Variants in IRAK1BP1 observed in about 807,000 individuals in gnomAD.
The protein encoded by IRAK1BP1 is interleukin 1 receptor associated kinase 1 binding protein 1.
In IRAK1BP1, 24 loss-of-function variants were observed where a neutral mutation model predicts 28.0. That is an observed-to-expected ratio of 0.86 (90% CI 0.62 to 1.20). The LOEUF (loss-of-function observed/expected upper bound fraction) is 1.20, where lower values mean the gene tolerates loss of function less well. Among genes scored for constraint, IRAK1BP1 ranks in the 50% most tolerant of loss-of-function variants. IRAK1BP1 has a pLI of 0.00. For synonymous variants in IRAK1BP1, 131 were observed against 116.3 expected (o/e 1.13, Z -0.81); for missense variants, 336 against 316.7 (o/e 1.06, Z -0.46).
At chr6:78,942,605 T>C (rs1053799769) in intron 4 of IRAK1BP1, among the ~76,000 whole-genome samples, 1 of 152,202 alleles carries the variant, frequency 6.6e-6, no homozygotes, top group Non-Finnish European at 1.5e-5. Flanking sequence ...TGACTCTCTT[T>C]AGATTAGTGG....
chr6:78,929,900 G>A (rs1384241429), intron 4 of IRAK1BP1, among the ~76,000 whole-genome samples: 1 of 149,482 alleles, frequency 6.7e-6, no homozygotes. Context: ...TAAAACACAT[G>A]TTCAAATAAA....
chr6:78,940,565 T>TTTTTC (rs1562108968), intron 4 of IRAK1BP1: 1 of 189,430 alleles, frequency 5.3e-6, no homozygotes, highest in Non-Finnish European at 1.0e-5. Context: ...TTTTTTTTTT[T>TTTTTC]TTTTTTGCAA....
chr6:78,935,921 A>G (rs1346610304), intron 4 of IRAK1BP1: 1 of 173,146 alleles, frequency 5.8e-6, no homozygotes, highest in African/African-American at 2.4e-5. Flanking sequence ...TAGTTACTAC[A>G]TTGCAGGGAC....
the IRAK1BP1 span, among the ~76,000 whole-genome samples, chr6:78,967,226 T>A: frequency 6.6e-6 from 1 of 152,018 alleles, no homozygotes; most frequent in Non-Finnish European, 1.5e-5. Flanking sequence ...GGAGAAAAGT[T>A]AATAGAACAC....
chr6:78,875,538 T>A (rs1403498505), intron 1 of IRAK1BP1, among the ~76,000 whole-genome samples: 1 of 152,198 alleles, frequency 6.6e-6, no homozygotes, highest in Non-Finnish European at 1.5e-5. Flanking sequence ...CACAATGAAA[T>A]ACTGTGTAGC....
At chr6:78,896,443 T>C (rs1771885204) in intron 2 of IRAK1BP1, among the ~76,000 whole-genome samples, 1 of 152,086 alleles carries the variant, frequency 6.6e-6, no homozygotes, top group Admixed American at 6.5e-5. Context: ...TACATTATGC[T>C]AAATGAAAGA....
In IRAK1BP1 at chr6:78,929,864, CATA is replaced by C. The variant is rs142471144; in HGVS notation, c.*68-15540_*68-15538del. Among the ~76,000 whole-genome samples, 896 of 152,218 alleles carry C rather than the reference CATA, an allele frequency of 5.9e-3. 4 individuals are homozygous for C. The highest frequency in any genetic ancestry group is 0.02 in the African/African-American group (826 of 41,516). On this transcript the variant is annotated intron_variant and NMD_transcript_variant, in intron 4 of 4. Transcript: ENST00000606868. ...AACATATAAGCTAATATTACTTTTACATAATATTTGGAGTAGCTAAAAACATAA... is the reference window on the plus strand; with the variant it reads ...AACATATAAGCTAATATTACTTTTACATATTTGGAGTAGCTAAAAACATAA...
rs1027432052 is a variant in IRAK1BP1, at chr6:78,898,957, C to T, written c.*623C>T. On this transcript the variant is annotated 3_prime_UTR_variant, in exon 4 of 4. Transcript: ENST00000369940. Reference sequence around the variant, plus strand: ...GGATGCTAACAGAAGACTTGAGATTCCCAGACAGAAACAAAGGACTATTAC... The same window carrying T: ...GGATGCTAACAGAAGACTTGAGATTTCCAGACAGAAACAAAGGACTATTAC... 2 of 152,130 alleles carry T rather than the reference C, an allele frequency of 1.3e-5. No homozygotes were observed. The highest frequency in any genetic ancestry group is 4.8e-5 in the African/African-American group (2 of 41,424). The allele number at this position is 152,130 out of a possible 1,614,324, so 9.4% of individuals were successfully genotyped here.
chr6:78,916,178 T>A (rs1772554473), intron 4 of IRAK1BP1, among the ~76,000 whole-genome samples: 1 of 152,224 alleles, frequency 6.6e-6, no homozygotes, highest in Non-Finnish European at 1.5e-5. Flanking sequence ...GTTATAAAGT[T>A]ATTTTCTTGG....
At chr6:78,878,059 C>T (rs866743087) in intron 1 of IRAK1BP1, among the ~76,000 whole-genome samples, 19 of 152,116 alleles carry the variant, frequency 1.2e-4, no homozygotes, top group Admixed American at 1.0e-3. Flanking sequence ...TAGACTCCAC[C>T]TCTGGGGCAG....
chr6:78,959,948 G>A, the IRAK1BP1 span, among the ~76,000 whole-genome samples: 1 of 152,064 alleles, frequency 6.6e-6, no homozygotes, highest in African/African-American at 2.4e-5. Flanking sequence ...ACTGACATTA[G>A]CCTATGGTTG....
chr6:78,961,790 C>A, the IRAK1BP1 span: 16 of 1,610,078 alleles, frequency 9.9e-6, no homozygotes, highest in Non-Finnish European at 1.4e-5. Flanking sequence ...TCCACGGGGG[C>A]CACAAATGCT....
chr6:78,951,253 C>G (rs1424063514), downstream of IRAK1BP1, among the ~76,000 whole-genome samples: 1 of 152,066 alleles, frequency 6.6e-6, no homozygotes, highest in East Asian at 1.9e-4. Context: ...ATGTAGAATA[C>G]TTAATTTTTC....
At chr6:78,912,363 T>C (rs543520251) in intron 4 of IRAK1BP1, among the ~76,000 whole-genome samples, 4 of 152,248 alleles carry the variant, frequency 2.6e-5, no homozygotes, top group South Asian at 2.1e-4. Flanking sequence ...ATCAAAAAAA[T>C]TGCTTGAGTT....
intron 2 of IRAK1BP1, among the ~76,000 whole-genome samples, chr6:78,893,097 G>A (rs9359355): frequency 0.89 from 134,763 of 150,832 alleles, 60,227 homozygotes; most frequent in Admixed American, 0.9. Flanking sequence ...AAAAAAAAAT[G>A]CACCAGTACA....
the IRAK1BP1 span, chr6:78,958,551 G>T: frequency 6.3e-7 from 1 of 1,577,612 alleles, no homozygotes; most frequent in Non-Finnish European, 8.7e-7. Flanking sequence ...TTAAATGTTC[G>T]TGTATTATGC....
At chr6:78,870,018 A>C (rs1770736425) in intron 1 of IRAK1BP1, among the ~76,000 whole-genome samples, 1 of 145,206 alleles carries the variant, frequency 6.9e-6, no homozygotes, top group Non-Finnish European at 1.5e-5. Context: ...CTGAGGCAGG[A>C]GAATTGCTTG....
chr6:78,875,586 T>C (rs1770970143), intron 1 of IRAK1BP1, among the ~76,000 whole-genome samples: 1 of 152,192 alleles, frequency 6.6e-6, no homozygotes. Flanking sequence ...TGCAGTAATA[T>C]GGATAAGGCT....
Position 78,945,695 on chromosome 6 carries a change from C to G in IRAK1BP1, c.*355C>G, listed in dbSNP as rs564231734. ...TTAATAGTTTCAGCCCTTTTAGAAG[C>G]TGTCCCATCATTTCAAAATTTCGAA... is the stretch of plus-strand genomic sequence containing the variant. On this transcript the variant is annotated 3_prime_UTR_variant and NMD_transcript_variant, in exon 5 of 5. Coordinates refer to the IRAK1BP1 transcript ENST00000606868. 196 of 608,650 alleles carry G rather than the reference C, an allele frequency of 3.2e-4. No homozygotes were observed. In the East Asian group the frequency reaches 5.0e-3, roughly 15 times the overall value. The allele number at this position is 608,650 out of a possible 1,614,324, so 37.7% of individuals were successfully genotyped here. A position where few individuals can be genotyped will look rare whatever the true frequency, so the allele number is the denominator to read the frequency against.
Sources: allele counts gnomAD v4.1 joint callset (sites outside exome capture counted in the v4.1 genomes callset), GRCh38; gene constraint gnomAD v4.1.1; transcripts MANE v1.5; gene names NCBI Gene and HGNC (gene_info 2026-07-23, HGNC 2026-07-21).